Variants in SLIT1 observed in about 807,000 individuals in gnomAD.
The protein encoded by SLIT1 is slit guidance ligand 1, also known as slit homolog 1 protein.
Under a neutral mutation model 186.1 loss-of-function variants are expected in SLIT1, and 66 were observed. That is an observed-to-expected ratio of 0.35 (90% CI 0.29 to 0.44). The LOEUF (loss-of-function observed/expected upper bound fraction) is 0.44. SLIT1 is among the 20% of genes least tolerant of loss of function. The pLI is 1.00. For missense variants in SLIT1, 1,638 were observed against 2,037.4 expected (o/e 0.80, Z 3.77); for synonymous variants, 761 against 833.8 (o/e 0.91, Z 1.50).
At chr10:97,028,077 C>G (rs1304114771) in intron 25 of SLIT1, among the ~76,000 whole-genome samples, 5 of 152,170 alleles carry the variant, frequency 3.3e-5, no homozygotes, top group African/African-American at 1.2e-4. Flanking sequence ...CACAAATGCA[C>G]TCTGGAGAGG....
At chr10:97,118,611 G>A (rs1849530062) in intron 4 of SLIT1, among the ~76,000 whole-genome samples, 1 of 152,166 alleles carries the variant, frequency 6.6e-6, no homozygotes, top group African/African-American at 2.4e-5. Context: ...TTCTGCCCAG[G>A]AGAACACACA....
chr10:97,048,102 T>A, intron 14 of SLIT1, 106 bp from the exon 15 acceptor site: 1 of 1,236,450 alleles, frequency 8.1e-7, no homozygotes, highest in Non-Finnish European at 1.2e-6. Flanking sequence ...CAGACAGGGC[T>A]GAGGAGCCCA....
rs746761558 is a variant in SLIT1 at position 97,046,670 on chromosome 10, C to T, written c.1837G>A (p.Asp613Asn). The T allele has an allele frequency of 2.5e-6, 4 of 1,609,046 alleles. No homozygotes were observed. The highest frequency in any genetic ancestry group is 3.4e-6 in the Non-Finnish European group (4 of 1,179,850). The change falls in exon 18 of 37, where the codon GAT becomes AAT. Residue 613 changes from aspartate (D) to asparagine (N), a missense_variant. By Grantham distance (23) the Asp-to-Asn change is conservative. Around this residue, in one of 3 missense-constraint regions of SLIT1, gnomAD observed 1,245 missense variants for 1,535.3 expected, o/e 0.81. Coordinates refer to ENST00000266058, the MANE Select transcript of SLIT1 (RefSeq NM_003061.3). ...SIRSGMFRGL[D>N]GLRTLMLRNN... The stretch of plus-strand genomic sequence containing the variant: ...CACACTCACAGGGTCCTCAAGCCAT[C>T]CAGACCCCGGAACATGCCGCTCCGG...
chr10:97,057,809 T>C (rs1305537089), intron 11 of SLIT1: 5 of 555,550 alleles, frequency 9.0e-6, no homozygotes, highest in African/African-American at 3.7e-5. Flanking sequence ...ATTCCATGTA[T>C]AGGTTTTTTA....
chr10:97,151,209 G>A (rs963593006), intron 4 of SLIT1, among the ~76,000 whole-genome samples: 6 of 152,214 alleles, frequency 3.9e-5, no homozygotes, highest in East Asian at 1.9e-4. Flanking sequence ...GCCCACAGGA[G>A]GCCCTCAGGA....
At chr10:97,062,422 A>G (rs775666609) in intron 8 of SLIT1, among the ~76,000 whole-genome samples, 1 of 152,230 alleles carries the variant, frequency 6.6e-6, no homozygotes, top group Non-Finnish European at 1.5e-5. Context: ...GTTTGGGAGA[A>G]ACAGTCAGCC....
chr10:97,138,419 G>A (rs1849725147), intron 4 of SLIT1, among the ~76,000 whole-genome samples: 1 of 152,212 alleles, frequency 6.6e-6, no homozygotes. Context: ...GGGAGGCCGG[G>A]GACGGTCACC....
chr10:97,014,189 G>A, intron 28 of SLIT1, 31 bp from the exon 29 acceptor site: 2 of 1,610,308 alleles, frequency 1.2e-6, no homozygotes, highest in South Asian at 2.2e-5. Flanking sequence ...TGGAGAGACA[G>A]CCCTCTTGGA....
At chr10:97,045,052 C>T (rs542540215) in intron 18 of SLIT1, among the ~76,000 whole-genome samples, 2 of 152,296 alleles carry the variant, frequency 1.3e-5, no homozygotes, top group Admixed American at 6.5e-5. Context: ...AAGTCTGCAA[C>T]CCAGAAGAGG....
Position 97,002,384 on chromosome 10 carries a change from G to A in SLIT1, c.4155-15C>T, listed in dbSNP as rs1411303743. ...CATGGACACACCTGGAGGAGACAGA[G>A]AAAAGGCGCTGTGAGGACAAACCCA... On this transcript the variant is annotated splice_polypyrimidine_tract_variant and intron_variant, in intron 35 of 36. Coordinates refer to ENST00000266058, the MANE Select transcript of SLIT1 (RefSeq NM_003061.3). The A allele has an allele frequency of 1.8e-5, 28 of 1,574,170 alleles. No homozygotes were observed. The highest frequency in any genetic ancestry group is 2.3e-5 in the Non-Finnish European group (27 of 1,160,030).
At chr10:97,083,033 C>T (rs534063451) in intron 4 of SLIT1, among the ~76,000 whole-genome samples, 15 of 152,304 alleles carry the variant, frequency 9.8e-5, no homozygotes, top group African/African-American at 2.6e-4. Flanking sequence ...AATTCTTCTG[C>T]CTCAGCCTGC....
At chr10:97,162,773 C>A (rs1007443774) in intron 3 of SLIT1, among the ~76,000 whole-genome samples, 1 of 138,094 alleles carries the variant, frequency 7.2e-6, no homozygotes, top group Non-Finnish European at 1.6e-5. Context: ...AGGACGAGAT[C>A]GGCGACCACC....
intron 16 of SLIT1, 86 bp downstream of exon 16, chr10:97,047,604 C>A (rs1486046516): frequency 9.3e-6 from 13 of 1,396,212 alleles, no homozygotes; most frequent in African/African-American, 2.8e-5. Context: ...CCAGACAGGG[C>A]TGGACCAAGA....
chr10:97,173,945 C>T (rs76231451), intron 1 of SLIT1, among the ~76,000 whole-genome samples: 5,429 of 152,252 alleles, frequency 0.036, 253 homozygotes, highest in African/African-American at 0.11. Context: ...AAAATACCAG[C>T]CCCTCAGCAG....
At chr10:97,110,037 T>C (rs1440299678) in intron 4 of SLIT1, among the ~76,000 whole-genome samples, 2 of 152,192 alleles carry the variant, frequency 1.3e-5, no homozygotes, top group African/African-American at 4.8e-5. Context: ...CCCTTATTCA[T>C]TGACCCACTG....
chr10:97,039,197 G>A (rs757829743), intron 21 of SLIT1, among the ~76,000 whole-genome samples: 16 of 152,230 alleles, frequency 1.1e-4, no homozygotes, highest in Non-Finnish European at 1.8e-4. Context: ...TTGGAGGCCT[G>A]GAGGGATCAA....
chr10:97,013,636 T>C (rs562512605), intron 30 of SLIT1, 105 bp downstream of exon 30: 97 of 822,310 alleles, frequency 1.2e-4, no homozygotes, highest in South Asian at 5.3e-4. Flanking sequence ...ACCAAACCCA[T>C]TGGACAAATG....
Position 97,004,887 on chromosome 10 carries a change from T to C in SLIT1, c.3580-64A>G, listed in dbSNP as rs1848346764. 2.5e-6 allele frequency: 4 copies of C among 1,601,266 alleles called. No individual in the cohort carries two copies. Among genetic ancestry groups the C allele is most frequent in the Non-Finnish European group, 3.4e-6 (4 of 1,169,796 alleles). ...TGCAGCAGCGGCACAGGCTAGCAGATGGGGCAGAGAGGGCACCCAAGATTG... is the reference window on the plus strand; with the variant it reads ...TGCAGCAGCGGCACAGGCTAGCAGACGGGGCAGAGAGGGCACCCAAGATTG... On this transcript the variant is annotated intron_variant, in intron 32 of 36. Transcript: ENST00000266058. The surrounding 1 kb of genome is among the most constrained non-coding windows in gnomAD (Gnocchi z 5.1).
chr10:97,047,907 C>T (rs1054052552), intron 15 of SLIT1, 66 bp downstream of exon 15: 97 of 1,613,084 alleles, frequency 6.0e-5, no homozygotes, highest in Non-Finnish European at 8.1e-5. Context: ...CAACCAAGGC[C>T]CCCAGCCTGC....
Sources: gnomAD v4.1 joint callset for allele counts (sites outside exome capture counted in the v4.1 genomes callset) on GRCh38, gnomAD v4.1.1 for gene constraint, gnomAD v4.1.1 regional missense constraint, Gnocchi (gnomAD v3.1) non-coding constraint, MANE v1.5 for transcripts, NCBI Gene and HGNC (gene_info 2026-07-23, HGNC 2026-07-21) for gene names.